Variants in CSTPP1 observed in about 807,000 individuals in gnomAD.
The protein encoded by CSTPP1 is centriolar satellite-associated tubulin polyglutamylase complex regulator 1.
chr11:47,078,439 A>T, the CSTPP1 span, among the ~76,000 whole-genome samples: 318 of 152,312 alleles, frequency 2.1e-3, no homozygotes, highest in Non-Finnish European at 3.5e-3. Flanking sequence ...TAGTGAGTTG[A>T]GTCTATGAAA....
At chr11:47,132,752 T>C in the CSTPP1 span, among the ~76,000 whole-genome samples, 1 of 152,204 alleles carries the variant, frequency 6.6e-6, no homozygotes, top group African/African-American at 2.4e-5. Context: ...AATCTGTCAG[T>C]CACCTGGTGT....
chr11:47,154,790 G>A, the CSTPP1 span, among the ~76,000 whole-genome samples: 2 of 152,094 alleles, frequency 1.3e-5, no homozygotes, highest in Admixed American at 6.5e-5. Context: ...TGGTCCTCAC[G>A]GCAGAATGAA....
chr11:47,153,103 C>G, the CSTPP1 span, among the ~76,000 whole-genome samples: 1 of 152,224 alleles, frequency 6.6e-6, no homozygotes, highest in South Asian at 2.1e-4. Context: ...GCTGCCCGCT[C>G]TCTGCTGTCT....
chr11:47,105,185 T>C, the CSTPP1 span, among the ~76,000 whole-genome samples: 1 of 152,148 alleles, frequency 6.6e-6, no homozygotes, highest in Non-Finnish European at 1.5e-5. Context: ...CCTGTGCCTA[T>C]TATTTAGAGG....
chr11:47,002,629 AC>A, the CSTPP1 span, among the ~76,000 whole-genome samples: 30 of 147,592 alleles, frequency 2.0e-4, no homozygotes, highest in South Asian at 4.9e-3. Context: ...TGTTCCCCCC[AC>A]CCCACCCCCT....
the CSTPP1 span, among the ~76,000 whole-genome samples, chr11:46,937,116 T>C: frequency 2.4e-4 from 36 of 152,254 alleles, no homozygotes; most frequent in South Asian, 7.5e-3. Context: ...CGTTGAGGAT[T>C]TGGGGCCCTG....
chr11:47,111,498 T>C, the CSTPP1 span, among the ~76,000 whole-genome samples: 1 of 152,110 alleles, frequency 6.6e-6, no homozygotes, highest in Non-Finnish European at 1.5e-5. Flanking sequence ...TCCATTGCTT[T>C]CTCTCTTATG....
chr11:47,137,811 A>G, the CSTPP1 span: 2 of 1,396,932 alleles, frequency 1.4e-6, no homozygotes, highest in East Asian at 2.3e-5. Flanking sequence ...TATACAAATG[A>G]AAAAAAGGAG....
the CSTPP1 span, among the ~76,000 whole-genome samples, chr11:47,048,342 C>T: frequency 6.6e-6 from 1 of 152,012 alleles, no homozygotes; most frequent in Non-Finnish European, 1.5e-5. Flanking sequence ...AAATTTATGG[C>T]CCTGCAGTGG....
chr11:47,161,627 T>C, the CSTPP1 span: 1 of 1,612,272 alleles, frequency 6.2e-7, no homozygotes, highest in Non-Finnish European at 8.5e-7. Flanking sequence ...GACAGACGAG[T>C]CGGAGACTTG....
At chr11:47,037,290 C>T in the CSTPP1 span, among the ~76,000 whole-genome samples, 20 of 126,170 alleles carry the variant, frequency 1.6e-4, 4 homozygotes, top group African/African-American at 3.7e-4. Context: ...TGTAGAAGGT[C>T]GACTTAAAAA....
chr11:46,941,211 T>C, the CSTPP1 span, among the ~76,000 whole-genome samples: 3 of 152,238 alleles, frequency 2.0e-5, no homozygotes, highest in Non-Finnish European at 4.4e-5. Flanking sequence ...CACCCCTCAC[T>C]GCCTTCTCCT....
At chr11:46,976,649 T>C in the CSTPP1 span, among the ~76,000 whole-genome samples, 1 of 152,186 alleles carries the variant, frequency 6.6e-6, no homozygotes, top group Non-Finnish European at 1.5e-5. Flanking sequence ...TGGCACAGAA[T>C]AGGTATTTGG....
At chr11:47,063,450 C>T in the CSTPP1 span, among the ~76,000 whole-genome samples, 2 of 152,054 alleles carry the variant, frequency 1.3e-5, no homozygotes, top group Non-Finnish European at 2.9e-5. Flanking sequence ...CTTGCAAAAC[C>T]GAAACTCAGT....
the CSTPP1 span, among the ~76,000 whole-genome samples, chr11:47,045,005 G>T: frequency 3.9e-5 from 6 of 152,112 alleles, no homozygotes; most frequent in African/African-American, 1.4e-4. Context: ...AAACCTACAT[G>T]GTAGATACAT....
chr11:47,053,557 T>C, the CSTPP1 span, among the ~76,000 whole-genome samples: 1 of 149,470 alleles, frequency 6.7e-6, no homozygotes. Flanking sequence ...GGGACAGAGG[T>C]TGCCGTGAGC....
At chr11:46,995,814 T>C in the CSTPP1 span, among the ~76,000 whole-genome samples, 1 of 152,198 alleles carries the variant, frequency 6.6e-6, no homozygotes, top group Non-Finnish European at 1.5e-5. Context: ...AGAGCTGAGT[T>C]CAATTCCTGG....
the CSTPP1 span, among the ~76,000 whole-genome samples, chr11:46,949,915 C>T: frequency 2.0e-5 from 3 of 152,064 alleles, no homozygotes; most frequent in Admixed American, 6.6e-5. Context: ...TCAAGTGATC[C>T]TCCCGCCTCG....
At chr11:47,004,848 T>A in the CSTPP1 span, among the ~76,000 whole-genome samples, 1 of 152,198 alleles carries the variant, frequency 6.6e-6, no homozygotes, top group Admixed American at 6.5e-5. Context: ...GCTGGCAGCC[T>A]GCTCCAGGAA....
Sources: gnomAD v4.1 joint callset for allele counts (sites outside exome capture counted in the v4.1 genomes callset) on GRCh38, gnomAD v4.1.1 for gene constraint, MANE v1.5 for transcripts, NCBI Gene and HGNC (gene_info 2026-07-23, HGNC 2026-07-21) for gene names.